Variants in SOX6 observed in about 807,000 individuals in gnomAD.
The protein encoded by SOX6 is transcription factor SOX-6.
Under a neutral mutation model 97.8 loss-of-function variants are expected in SOX6, and 11 were observed. That is an observed-to-expected ratio of 0.11 (90% CI 0.07 to 0.19). The LOEUF (loss-of-function observed/expected upper bound fraction) is 0.19, where lower values mean the gene tolerates loss of function less well. Ranked by LOEUF, SOX6 falls within the 10% of genes least tolerant of loss-of-function variation. The probability of loss-of-function intolerance (pLI) is 1.00; values close to 1 mark genes in which losing one functional copy is unlikely to be tolerated. For missense variants in SOX6, 810 were observed against 1,039.5 expected (o/e 0.78, Z 3.04); for synonymous variants, 360 against 371.4 (o/e 0.97, Z 0.35).
chr11:16,682,818 T>C (rs960124819), intron 3 of SOX6, among the ~76,000 whole-genome samples: 1 of 152,212 alleles, frequency 6.6e-6, no homozygotes, highest in Non-Finnish European at 1.5e-5. Context: ...GCAGATGACA[T>C]GGTTGTATAT....
intron 1 of SOX6, among the ~76,000 whole-genome samples, chr11:16,391,149 A>G (rs1858168183): frequency 6.6e-6 from 1 of 152,168 alleles, no homozygotes; most frequent in African/African-American, 2.4e-5. Flanking sequence ...CAATAAGAAC[A>G]CATGGACATG....
intron 1 of SOX6, among the ~76,000 whole-genome samples, chr11:16,454,397 A>T (rs137895726): frequency 9.2e-5 from 14 of 152,172 alleles, no homozygotes; most frequent in African/African-American, 3.4e-4. Flanking sequence ...TTTCCAGAAG[A>T]CTTATTAGCA....
intron 4 of SOX6, among the ~76,000 whole-genome samples, chr11:16,219,465 T>C (rs1380512837): frequency 6.6e-6 from 1 of 152,098 alleles, no homozygotes; most frequent in East Asian, 1.9e-4. Flanking sequence ...CTAAATTCTC[T>C]GTAGTTTTCT....
intron 4 of SOX6, among the ~76,000 whole-genome samples, chr11:16,512,926 G>A (rs2133152712): frequency 6.6e-6 from 1 of 152,338 alleles, no homozygotes; most frequent in African/African-American, 2.4e-5. Context: ...GGAGTACTGT[G>A]AGTAAAATCA....
intron 9 of SOX6, among the ~76,000 whole-genome samples, chr11:16,084,572 G>A (rs747482104): frequency 8.6e-5 from 13 of 152,010 alleles, no homozygotes; most frequent in South Asian, 2.1e-4. Context: ...GTTCACAGAC[G>A]AAGAGACTGA....
At chr11:16,621,072 A>G (rs1485384254) in intron 3 of SOX6, among the ~76,000 whole-genome samples, 2 of 152,162 alleles carry the variant, frequency 1.3e-5, no homozygotes, top group African/African-American at 4.8e-5. Context: ...ATTTTTTTCT[A>G]CCAAGATGAA....
intron 4 of SOX6, among the ~76,000 whole-genome samples, chr11:16,486,933 T>C (rs1481841475): frequency 6.6e-6 from 1 of 151,812 alleles, no homozygotes; most frequent in African/African-American, 2.4e-5. Context: ...ATTTTAAAGA[T>C]TATTAGAGCT....
At chr11:16,066,443 T>G (rs1590172479) in intron 9 of SOX6, among the ~76,000 whole-genome samples, 1 of 152,220 alleles carries the variant, frequency 6.6e-6, no homozygotes, top group Non-Finnish European at 1.5e-5. Context: ...CAAAGAGATA[T>G]CCGCATCCCC....
chr11:16,448,276 A>G (rs1204764571), intron 1 of SOX6, among the ~76,000 whole-genome samples: 1 of 152,154 alleles, frequency 6.6e-6, no homozygotes, highest in Non-Finnish European at 1.5e-5. Flanking sequence ...TTGTATTGCC[A>G]AGCACCTTTC....
chr11:16,275,462 G>GAACAAAAA (rs1299055480), intron 3 of SOX6, among the ~76,000 whole-genome samples: 8 of 150,424 alleles, frequency 5.3e-5, no homozygotes, highest in Non-Finnish European at 1.0e-4. Context: ...TCTCAAAAAA[G>GAACAAAAA]AACAAAAAAC....
At position 16,223,234 on chromosome 11, in the gene SOX6, A is replaced by T. The variant is rs866266168; in HGVS notation, c.535+11348T>A. Among the ~76,000 whole-genome samples the T allele has an allele frequency of 2.6e-5, 4 of 152,292 alleles. 1 individual carries two copies. The Middle Eastern group carries it at 0.01, about 389-fold the overall frequency. On this transcript the variant is annotated intron_variant, in intron 4 of 15. Coordinates refer to ENST00000683767, the MANE Select transcript of SOX6 (RefSeq NM_001367873.1). ...ATGCTGGGCTAAAAGTCTCTAAATCAGTGACCCCATTTCTCCCACCACAGT... is the reference window on the plus strand; with the variant it reads ...ATGCTGGGCTAAAAGTCTCTAAATCTGTGACCCCATTTCTCCCACCACAGT...
intron 3 of SOX6, among the ~76,000 whole-genome samples, chr11:16,254,936 A>G (rs1853639943): frequency 6.6e-6 from 1 of 152,076 alleles, no homozygotes; most frequent in Non-Finnish European, 1.5e-5. Context: ...GGAGAAAGAT[A>G]TACCATGCTA....
chr11:16,045,472 T>G (rs934979003), intron 12 of SOX6, among the ~76,000 whole-genome samples: 1 of 152,200 alleles, frequency 6.6e-6, no homozygotes, highest in African/African-American at 2.4e-5. Flanking sequence ...GATCCTTTTA[T>G]ATGTAAATCA....
chr11:15,982,370 G>T (rs1016680938), intron 15 of SOX6, among the ~76,000 whole-genome samples: 2 of 151,910 alleles, frequency 1.3e-5, no homozygotes, highest in African/African-American at 4.8e-5. Context: ...AATCCACTCA[G>T]CAGAGTACAC....
rs186346311 is a variant in SOX6 at position 16,653,517 on chromosome 11, A to G, written n.430-41257T>C. ...ACCATTATTCTAAATAAAGTAACTCAGGAATGGAAAACCAAACATCGTATG... is the reference window on the plus strand; with the variant it reads ...ACCATTATTCTAAATAAAGTAACTCGGGAATGGAAAACCAAACATCGTATG... On this transcript the variant is annotated intron_variant and non_coding_transcript_variant, in intron 3 of 5. Transcript: ENST00000524520. 6.9e-3 allele frequency among the ~76,000 whole-genome samples: 1,047 copies of G among 152,338 alleles called. 8 individuals carry two copies. The highest frequency in any genetic ancestry group is 0.024 in the African/African-American group (1,003 of 41,572).
At chr11:16,252,774 T>C (rs1004493419) in intron 3 of SOX6, among the ~76,000 whole-genome samples, 3 of 152,034 alleles carry the variant, frequency 2.0e-5, no homozygotes, top group Admixed American at 2.0e-4. Flanking sequence ...AGCCTTCCAC[T>C]TGGGAGAAGG....
At chr11:16,564,348 G>C (rs1847845137) in intron 4 of SOX6, among the ~76,000 whole-genome samples, 1 of 152,106 alleles carries the variant, frequency 6.6e-6, no homozygotes, top group African/African-American at 2.4e-5. Flanking sequence ...TGGATATAAA[G>C]GGAGGTAAGG....
chr11:15,983,526 T>C (rs1446177120), intron 15 of SOX6, among the ~76,000 whole-genome samples: 1 of 152,112 alleles, frequency 6.6e-6, no homozygotes, highest in Non-Finnish European at 1.5e-5. Context: ...AATAGAAATA[T>C]TTGAATTTTT....
intron 3 of SOX6, among the ~76,000 whole-genome samples, chr11:16,644,732 T>C (rs1015951824): frequency 2.6e-5 from 4 of 152,216 alleles, no homozygotes; most frequent in Non-Finnish European, 4.4e-5. Context: ...CTATATATTC[T>C]CTGTTTGTTG....
Sources: gnomAD v4.1 joint callset for allele counts (sites outside exome capture counted in the v4.1 genomes callset) on GRCh38, gnomAD v4.1.1 for gene constraint, MANE v1.5 for transcripts, NCBI Gene and HGNC (gene_info 2026-07-23, HGNC 2026-07-21) for gene names.